The following TSHZ3 variants were observed in gnomAD, a reference collection of about 807,000 sequenced individuals.
TSHZ3 encodes teashirt zinc finger homeobox 3, also known as teashirt homolog 3.
Under a neutral mutation model 64.5 loss-of-function variants are expected in TSHZ3, and 10 were observed. The observed-to-expected ratio is 0.16, with a 90% CI of 0.10 to 0.26. The LOEUF is 0.26. Among genes scored for constraint, TSHZ3 ranks in the 10% least tolerant of loss-of-function variants. TSHZ3 has a pLI of 1.00. For synonymous variants in TSHZ3, 608 were observed against 593.1 expected (o/e 1.03, Z -0.36); for missense variants, 1,242 against 1,421.7 (o/e 0.87, Z 2.03).
At chr19:31,299,264 G>C (rs908468939) in intron 1 of TSHZ3, among the ~76,000 whole-genome samples, 3 of 152,178 alleles carry the variant, frequency 2.0e-5, no homozygotes, top group Non-Finnish European at 4.4e-5. Context: ...CTGGAGTCCG[G>C]CCACGCCACC....
rs1976280332 is a variant in TSHZ3, at chr19:31,278,009, G to A, written c.1784C>T (p.Pro595Leu). 4 of 1,613,936 alleles carry A rather than the reference G, an allele frequency of 2.5e-6. No homozygotes were observed. In the Admixed American group the frequency reaches 5.0e-5, roughly 20 times the overall value. Residue 595 changes from proline (P) to leucine (L), a missense_variant, in exon 2 of 2, where the codon CCC becomes CTC. Pro to Leu is a moderately conservative substitution (Grantham distance 98). Transcript: ENST00000240587. This position sits in a 1 kb window ranked among gnomAD's most constrained non-coding sequence, Gnocchi z 4.7. ...GGGCATGGGGGACGTCTGGCTGCTG[G>A]GTGGAGAGACCAGGGTCTGGTTTTT... ...PTKNQTLVSP[P>L]SSQTSPMPKT...
intron 5 of TSHZ3, among the ~76,000 whole-genome samples, chr19:31,173,136 G>A (rs1469912304): frequency 2.0e-5 from 3 of 152,172 alleles, no homozygotes; most frequent in African/African-American, 7.2e-5. Context: ...GGGTCACTTG[G>A]GATGGGGCAC....
intron 1 of TSHZ3, among the ~76,000 whole-genome samples, chr19:31,304,141 A>C (rs939456055): frequency 1.3e-5 from 2 of 151,968 alleles, no homozygotes; most frequent in Non-Finnish European, 2.9e-5. Context: ...CGCCCAGCTA[A>C]TTTTTGTATT....
intron 1 of TSHZ3, among the ~76,000 whole-genome samples, chr19:31,259,522 C>A (rs1245339588): frequency 6.6e-6 from 1 of 152,006 alleles, no homozygotes; most frequent in African/African-American, 2.4e-5. Context: ...TCGTTCCCTG[C>A]TAGGCACATG....
chr19:31,314,595 G>T (rs984040621), intron 1 of TSHZ3, among the ~76,000 whole-genome samples: 1 of 152,212 alleles, frequency 6.6e-6, no homozygotes, highest in Non-Finnish European at 1.5e-5. Flanking sequence ...ATTGTGAATT[G>T]TTCCGAGTGC....
intron 5 of TSHZ3, among the ~76,000 whole-genome samples, chr19:31,193,117 AG>A (rs1314919399): frequency 3.3e-5 from 5 of 152,178 alleles, no homozygotes; most frequent in Admixed American, 6.5e-5. Context: ...TGAAAGAGAA[AG>A]GATCTTCTCT....
rs1976232783 is a variant in TSHZ3, at chr19:31,276,415, G to A, written c.*132C>T. The A allele has an allele frequency of 2.3e-6, 2 of 867,158 alleles. No individual in the cohort carries two copies. The highest frequency in any genetic ancestry group is 5.1e-5 in the Admixed American group (2 of 39,376). The allele number at this position is 867,158 out of a possible 1,614,324, so 53.7% of individuals were successfully genotyped here. A position where few individuals can be genotyped will look rare whatever the true frequency, so the allele number is the denominator to read the frequency against. Reference sequence around the variant, plus strand: ...AAACACTGTACAGTTATACAAAACAGTCCAGCCCAGAGTGATTCTCTGCAG... The same window carrying A: ...AAACACTGTACAGTTATACAAAACAATCCAGCCCAGAGTGATTCTCTGCAG... On this transcript the variant is annotated 3_prime_UTR_variant, in exon 2 of 2. Transcript: ENST00000240587.
exon 4 of TSHZ3, among the ~76,000 whole-genome samples, chr19:31,228,137 G>T (rs1392820044): frequency 6.6e-6 from 1 of 152,134 alleles, no homozygotes; most frequent in Non-Finnish European, 1.5e-5. Context: ...GCTTCACTGG[G>T]GAGCTGCAAG....
chr19:31,287,147 G>A (rs1976478078), intron 1 of TSHZ3, among the ~76,000 whole-genome samples: 4 of 152,270 alleles, frequency 2.6e-5, no homozygotes, highest in Non-Finnish European at 2.9e-5. Flanking sequence ...TGGGCAAGTC[G>A]TGGGTGGGAG....
Position 31,164,634 on chromosome 19 carries a change from C to T in TSHZ3, n.810-8217G>A, listed in dbSNP as rs10421045. On this transcript the variant is annotated intron_variant and non_coding_transcript_variant, in intron 5 of 6. Transcript: ENST00000651361. ...TTGATAGAGCTTACACAAGTCACAC[C>T]GACCTCTCTGGACCTCAGTTTTGGC... 2.4e-3 allele frequency among the ~76,000 whole-genome samples: 364 copies of T among 152,184 alleles called. 2 individuals are homozygous for T. The highest frequency in any genetic ancestry group is 8.4e-3 in the African/African-American group (347 of 41,528).
Position 31,279,166 on chromosome 19 carries a change from C to G in TSHZ3, c.627G>C (p.Thr209=). Residue 209 remains threonine, a synonymous_variant, in exon 2 of 2, where the codon ACG becomes ACC. Coordinates refer to ENST00000240587, the MANE Select transcript of TSHZ3 (RefSeq NM_020856.4). This position sits in a 1 kb window ranked among gnomAD's most constrained non-coding sequence, Gnocchi z 6.4. ...CCTTACAGCGGAACTTGCTGGCCCCCGTGAAGATGGAGCCATAGAGCTTGC... is the reference window on the plus strand; with the variant it reads ...CCTTACAGCGGAACTTGCTGGCCCCGGTGAAGATGGAGCCATAGAGCTTGC... ...QSSKLYGSIF[T]GASKFRCKDC... 1 of 1,612,964 alleles carries G rather than the reference C, an allele frequency of 6.2e-7. No homozygotes were observed.
At chr19:31,214,909 G>GAAAAAAA (rs950173415) in intron 4 of TSHZ3, among the ~76,000 whole-genome samples, 1 of 41,856 alleles carries the variant, frequency 2.4e-5, no homozygotes, top group African/African-American at 7.5e-5. Flanking sequence ...CTCTGTCTCA[G>GAAAAAAA]AAAAAAAAAA....
intron 1 of TSHZ3, among the ~76,000 whole-genome samples, chr19:31,297,541 A>G (rs186532819): frequency 7.6e-4 from 115 of 152,182 alleles, no homozygotes; most frequent in Non-Finnish European, 1.3e-3. Flanking sequence ...CTGTGGTGTG[A>G]TCATGGCTCA....
intron 1 of TSHZ3, among the ~76,000 whole-genome samples, chr19:31,252,856 T>C (rs1012223031): frequency 1.3e-5 from 2 of 152,236 alleles, no homozygotes; most frequent in African/African-American, 2.4e-5. Flanking sequence ...GGGATCAGGA[T>C]GTGGGCATAT....
At chr19:31,249,839 C>A (rs1442694310) in intron 1 of TSHZ3, among the ~76,000 whole-genome samples, 3 of 152,324 alleles carry the variant, frequency 2.0e-5, no homozygotes, top group Admixed American at 6.5e-5. Context: ...TCCAGTTCCT[C>A]CTGTCATCAT....
intron 5 of TSHZ3, among the ~76,000 whole-genome samples, chr19:31,203,542 T>C (rs1023255538): frequency 6.6e-6 from 1 of 152,130 alleles, no homozygotes; most frequent in East Asian, 1.9e-4. Flanking sequence ...TGCTAGGAGC[T>C]GTTAGGCTTT....
At chr19:31,350,631 TGAGGCTCCG>T (rs2021691997), upstream of TSHZ3, among the ~76,000 whole-genome samples, 1 of 151,288 alleles carries the variant, frequency 6.6e-6, no homozygotes, top group East Asian at 2.0e-4. Context: ...TCGGGGTCGC[TGAGGCTCCG>T]GGCCGGCCCG....
intron 5 of TSHZ3, among the ~76,000 whole-genome samples, chr19:31,182,860 A>C (rs1469902421): frequency 1.3e-5 from 2 of 152,210 alleles, no homozygotes; most frequent in Non-Finnish European, 2.9e-5. Flanking sequence ...CTAATTTGAC[A>C]AGGCCACAGT....
Position 31,349,332 on chromosome 19 carries a change from C to A in TSHZ3, c.-113G>T. On this transcript the variant is annotated 5_prime_UTR_variant, in exon 1 of 2. Transcript: ENST00000240587. Reference sequence around the variant, plus strand: ...GGCGAGGCGGGCCTGCTCTCAGCCTCCCCCCCGGAGAGCGGCCGCCCGCAG... The same window carrying A: ...GGCGAGGCGGGCCTGCTCTCAGCCTACCCCCCGGAGAGCGGCCGCCCGCAG... The A allele has an allele frequency of 1.2e-5, 13 of 1,048,752 alleles. No homozygotes were observed. Among genetic ancestry groups the A allele is most frequent in the Non-Finnish European group, 1.7e-5 (13 of 785,010 alleles). The allele number at this position is 1,048,752 out of a possible 1,614,324, so 65.0% of individuals were successfully genotyped here.
Sources: gnomAD v4.1 joint callset for allele counts (sites outside exome capture counted in the v4.1 genomes callset) on GRCh38, gnomAD v4.1.1 for gene constraint, Gnocchi (gnomAD v3.1) non-coding constraint, MANE v1.5 for transcripts, NCBI Gene and HGNC (gene_info 2026-07-23, HGNC 2026-07-21) for gene names.